The following PRR16 variants were observed in gnomAD, a reference collection of about 807,000 sequenced individuals.
PRR16 encodes protein Largen.
Under a neutral mutation model 18.2 loss-of-function variants are expected in PRR16, and 6 were observed. That is an observed-to-expected ratio of 0.33 (90% CI 0.18 to 0.65). The LOEUF (loss-of-function observed/expected upper bound fraction) is 0.65, where lower values mean the gene tolerates loss of function less well. PRR16 is among the 30% of genes least tolerant of loss of function. The pLI is 0.74. For missense variants in PRR16, 412 were observed against 376.6 expected, an observed-to-expected ratio of 1.09 and a Z score of -0.78; for synonymous variants, 151 against 147.8, an observed-to-expected ratio of 1.02 and a Z score of -0.16.
chr5:120,579,639 G>A (rs1447368489), intron 1 of PRR16, among the ~76,000 whole-genome samples: 1 of 152,100 alleles, frequency 6.6e-6, no homozygotes, highest in Non-Finnish European at 1.5e-5. Context: ...GGACCATGGT[G>A]TAGCCTGTAA....
At chr5:120,756,173 A>T in the PRR16 span, among the ~76,000 whole-genome samples, 9 of 152,236 alleles carry the variant, frequency 5.9e-5, no homozygotes, top group East Asian at 1.7e-3. Flanking sequence ...TTGGCCTGCA[A>T]CCAGTCTGAT....
At chr5:120,580,451 ATTTTTT>A (rs70985228) in intron 1 of PRR16, among the ~76,000 whole-genome samples, 4 of 119,650 alleles carry the variant, frequency 3.3e-5, no homozygotes, top group Non-Finnish European at 3.4e-5. Context: ...GGGATTTTGA[ATTTTTT>A]TTTTTTTTTT....
intron 1 of PRR16, among the ~76,000 whole-genome samples, chr5:120,677,608 T>C (rs1756840655): frequency 6.6e-6 from 1 of 152,204 alleles, no homozygotes; most frequent in Admixed American, 6.5e-5. Flanking sequence ...TCTATAAATC[T>C]TCTTGGAAAG....
chr5:120,625,340 A>G (rs749865877), intron 1 of PRR16, among the ~76,000 whole-genome samples: 8 of 152,026 alleles, frequency 5.3e-5, no homozygotes, highest in Non-Finnish European at 1.0e-4. Flanking sequence ...AGTTTGTTTT[A>G]TTTTTTTGAG....
intron 1 of PRR16, among the ~76,000 whole-genome samples, chr5:120,656,756 A>T (rs1471347883): frequency 1.3e-5 from 2 of 152,102 alleles, no homozygotes; most frequent in African/African-American, 4.8e-5. Flanking sequence ...TACATAAGTG[A>T]TATATTTGTG....
the PRR16 span, among the ~76,000 whole-genome samples, chr5:120,696,812 G>A: frequency 6.6e-6 from 1 of 152,174 alleles, no homozygotes; most frequent in African/African-American, 2.4e-5. Flanking sequence ...ATATGTGTGT[G>A]AAGTAATGCA....
chr5:120,776,255 T>C, the PRR16 span, among the ~76,000 whole-genome samples: 1 of 152,206 alleles, frequency 6.6e-6, no homozygotes, highest in Non-Finnish European at 1.5e-5. Context: ...TTCAAAGTCT[T>C]TTCCAGTTCC....
the PRR16 span, among the ~76,000 whole-genome samples, chr5:120,758,615 A>C: frequency 6.6e-6 from 1 of 152,022 alleles, no homozygotes; most frequent in Admixed American, 6.6e-5. Context: ...GAGTTCTCAC[A>C]AGATCTGATG....
chr5:120,548,075 C>T (rs1476514135), intron 1 of PRR16, among the ~76,000 whole-genome samples: 1 of 151,916 alleles, frequency 6.6e-6, no homozygotes, highest in Non-Finnish European at 1.5e-5. Context: ...ATACTGAGGA[C>T]AGTAGAAAGT....
chr5:120,635,729 C>A (rs1561585883), intron 1 of PRR16, among the ~76,000 whole-genome samples: 1 of 152,080 alleles, frequency 6.6e-6, no homozygotes, highest in East Asian at 1.9e-4. Flanking sequence ...TGCTCACTTT[C>A]ACCACTTCTA....
At chr5:120,492,149 A>ATGG (rs34379296) in intron 1 of PRR16, among the ~76,000 whole-genome samples, 1 of 24 alleles carries the variant, frequency 0.042, no homozygotes, top group Non-Finnish European at 0.1. Context: ...GTGCAGTAGA[A>ATGG]TAAGGATCCA....
At chr5:120,755,478 C>T in the PRR16 span, among the ~76,000 whole-genome samples, 1 of 151,982 alleles carries the variant, frequency 6.6e-6, no homozygotes, top group African/African-American at 2.4e-5. Flanking sequence ...TGAGAACATG[C>T]AGTATTTGAT....
chr5:120,489,866 G>A (rs1440308613), intron 1 of PRR16, among the ~76,000 whole-genome samples: 5 of 152,252 alleles, frequency 3.3e-5, no homozygotes, highest in African/African-American at 1.2e-4. Flanking sequence ...AAATCTCTCA[G>A]CATTTGCTTG....
the PRR16 span, among the ~76,000 whole-genome samples, chr5:120,709,846 G>A: frequency 3.0e-4 from 45 of 152,178 alleles, no homozygotes; most frequent in African/African-American, 1.1e-3. Flanking sequence ...ATATTCCATT[G>A]TATTTAAATA....
chr5:120,538,215 T>C (rs1474316370), intron 1 of PRR16, among the ~76,000 whole-genome samples: 1 of 152,252 alleles, frequency 6.6e-6, no homozygotes, highest in East Asian at 1.9e-4. Context: ...AAGCAAGTTA[T>C]TATTGTTTCC....
intron 1 of PRR16, among the ~76,000 whole-genome samples, chr5:120,543,655 C>T (rs868216957): frequency 6.6e-6 from 1 of 152,140 alleles, no homozygotes; most frequent in Non-Finnish European, 1.5e-5. Context: ...TCAGAAATGT[C>T]CATATTACTG....
intron 1 of PRR16, among the ~76,000 whole-genome samples, chr5:120,545,632 T>G (rs968028707): frequency 1.3e-5 from 2 of 152,172 alleles, no homozygotes. Context: ...TTTTATAATT[T>G]TATAGATATC....
the PRR16 span, among the ~76,000 whole-genome samples, chr5:120,715,801 T>G: frequency 6.6e-6 from 1 of 152,188 alleles, no homozygotes; most frequent in Non-Finnish European, 1.5e-5. Context: ...CAACATCATC[T>G]CAGATGAAGA....
chr5:120,700,446 GA>G, the PRR16 span, among the ~76,000 whole-genome samples: 1 of 152,014 alleles, frequency 6.6e-6, no homozygotes, highest in African/African-American at 2.4e-5. Context: ...AAGGTGGGGG[GA>G]TACAAGAGGA....
Sources: allele counts gnomAD v4.1 joint callset (sites outside exome capture counted in the v4.1 genomes callset), GRCh38; gene constraint gnomAD v4.1.1; transcripts MANE v1.5; gene names NCBI Gene and HGNC (gene_info 2026-07-23, HGNC 2026-07-21).